The following MS4A7 variants were observed in gnomAD, a reference collection of about 807,000 sequenced individuals.
MS4A7 encodes membrane spanning 4-domains A7.
In MS4A7, 21 loss-of-function variants were observed where a neutral mutation model predicts 23.5. The ratio of observed to expected loss-of-function variants is 0.89; its 90% CI spans 0.63 to 1.29. The LOEUF (loss-of-function observed/expected upper bound fraction) is 1.29, where lower values mean the gene tolerates loss of function less well. MS4A7 is among the 50% of genes most tolerant of loss of function. The pLI is 0.00. For synonymous variants in MS4A7, 111 were observed against 107.4 expected (o/e 1.03, Z -0.21); for missense variants, 263 against 274.2 (o/e 0.96, Z 0.29).
intron 5 of MS4A7, among the ~76,000 whole-genome samples, chr11:60,391,735 A>G (rs1387143360): frequency 6.6e-6 from 1 of 152,046 alleles, no homozygotes; most frequent in African/African-American, 2.4e-5. Flanking sequence ...CCTGGCCAAC[A>G]TGGTGAAATG....
intron 5 of MS4A7, 117 bp from the exon 6 acceptor site, chr11:60,392,568 C>A: frequency 1.5e-6 from 1 of 684,800 alleles, no homozygotes; most frequent in Non-Finnish European, 2.5e-6. Context: ...GAGGATTAAG[C>A]AATTTTCCCT....
Position 60,395,818 on chromosome 11 carries a change from G to A in MS4A7, c.*1957G>A, listed in dbSNP as rs573914475. ...AAAAAGATAACTACGTGAGGTGATG[G>A]ATATGTTAATTAGCTGGATTGTGGT... On this transcript the variant is annotated 3_prime_UTR_variant, in exon 7 of 7. Coordinates refer to ENST00000300184, the MANE Select transcript of MS4A7 (RefSeq NM_021201.5). 3 of 152,126 alleles carry A rather than the reference G, an allele frequency of 2.0e-5. No individual in the cohort carries two copies. In the South Asian group the frequency reaches 6.2e-4, roughly 32 times the overall value. 9.4% of individuals were successfully genotyped at this position (152,126 alleles called of 1,614,324 possible).
At position 60,395,296 on chromosome 11, in the gene MS4A7, C is replaced by T. The variant is rs941441679; in HGVS notation, c.*1435C>T. The T allele has an allele frequency of 5.0e-6, 1 of 198,398 alleles. No individual in the cohort carries two copies. The highest frequency in any genetic ancestry group is 1.9e-3 in the Middle Eastern group (1 of 540). 12.3% of individuals were successfully genotyped at this position (198,398 alleles called of 1,614,324 possible). Reference sequence around the variant, plus strand: ...GCAGTTTAACTTTGCACTCTCTATGCATATGAGGTTTCCTAAATAAATGAG... The same window carrying T: ...GCAGTTTAACTTTGCACTCTCTATGTATATGAGGTTTCCTAAATAAATGAG... On this transcript the variant is annotated 3_prime_UTR_variant, in exon 7 of 7. Transcript: ENST00000300184.
At chr11:60,384,506 T>A (rs2085463377) in intron 2 of MS4A7, among the ~76,000 whole-genome samples, 1 of 152,246 alleles carries the variant, frequency 6.6e-6, no homozygotes. Flanking sequence ...CTGTTGATGA[T>A]GTGAATGGTT....
chr11:60,384,622 A>G (rs748986337), intron 2 of MS4A7, among the ~76,000 whole-genome samples: 1 of 152,242 alleles, frequency 6.6e-6, no homozygotes, highest in Non-Finnish European at 1.5e-5. Flanking sequence ...GCTAAACTTC[A>G]GTTCTTCCAC....
chr11:60,394,004 G>A lies in MS4A7; in HGVS notation c.*143G>A. ...CTTTTGTTTTGTATTTGTTTACTAT[G>A]AGTCGTTATTTAATTTCTCTTGAAA... On this transcript the variant is annotated 3_prime_UTR_variant, in exon 7 of 7. Transcript: ENST00000300184. The A allele has an allele frequency of 4.2e-6, 2 of 477,426 alleles. No homozygotes were observed. The highest frequency in any genetic ancestry group is 7.3e-6 in the Non-Finnish European group (2 of 274,582). The allele number at this position is 477,426 out of a possible 1,614,324, so 29.6% of individuals were successfully genotyped here.
chr11:60,379,593 C>CAGTGGT (rs1555002991), intron 1 of MS4A7, among the ~76,000 whole-genome samples: 2 of 150,534 alleles, frequency 1.3e-5, no homozygotes, highest in African/African-American at 2.4e-5. Flanking sequence ...GGCTAGAGTG[C>CAGTGGT]GTGATCTCGG....
chr11:60,395,521 G>A lies in MS4A7; in HGVS notation c.*1660G>A, dbSNP rs1206125108. Reference sequence around the variant, plus strand: ...CCTTCATGATCTCATAGTTAAAATTGTAATAAATTTAGGAATATAAAGGAT... The same window carrying A: ...CCTTCATGATCTCATAGTTAAAATTATAATAAATTTAGGAATATAAAGGAT... On this transcript the variant is annotated 3_prime_UTR_variant, in exon 7 of 7. Coordinates refer to ENST00000300184, the MANE Select transcript of MS4A7 (RefSeq NM_021201.5). The A allele has an allele frequency of 6.6e-6, 1 of 152,062 alleles. No individual in the cohort carries two copies. Among genetic ancestry groups the A allele is most frequent in the Non-Finnish European group, 1.5e-5 (1 of 67,996 alleles). The allele number at this position is 152,062 out of a possible 1,614,324, so 9.4% of individuals were successfully genotyped here. A position where few individuals can be genotyped will look rare whatever the true frequency, so the allele number is the denominator to read the frequency against.
chr11:60,393,780 T>C lies in MS4A7; in HGVS notation c.649-7T>C. The C allele has an allele frequency of 6.2e-7, 1 of 1,600,904 alleles. No homozygotes were observed. Among genetic ancestry groups the C allele is most frequent in the African/African-American group, 1.3e-5 (1 of 74,322 alleles). On this transcript the variant is annotated splice_region_variant and splice_polypyrimidine_tract_variant and intron_variant, in intron 6 of 6. Transcript: ENST00000300184. The stretch of plus-strand genomic sequence containing the variant: ...TTAAAAATTCTAACCAATTATGTAT[T>C]TTCTAGAGTTCATTTTCCTCGACCC...
intron 4 of MS4A7, among the ~76,000 whole-genome samples, chr11:60,387,205 CT>C (rs1215152934): frequency 6.6e-6 from 1 of 152,154 alleles, no homozygotes; most frequent in East Asian, 1.9e-4. Flanking sequence ...AGAGTTGGGA[CT>C]TCACACAAAT....
At position 60,394,484 on chromosome 11, in the gene MS4A7, T is replaced by G. The variant is rs572584555; in HGVS notation, c.*623T>G. 1 of 152,874 alleles carries G rather than the reference T, an allele frequency of 6.5e-6. No individual in the cohort carries two copies. Among genetic ancestry groups the G allele is most frequent in the African/African-American group, 2.4e-5 (1 of 41,560 alleles). 9.5% of individuals were successfully genotyped at this position (152,874 alleles called of 1,614,324 possible). A position where few individuals can be genotyped will look rare whatever the true frequency, so the allele number is the denominator to read the frequency against. On this transcript the variant is annotated 3_prime_UTR_variant, in exon 7 of 7. Transcript: ENST00000300184. ...TCTGCAATCCTGTGGCACCAACCAGTGGTGCTCATTCTATTGTTTAAAAAT... is the reference window on the plus strand; with the variant it reads ...TCTGCAATCCTGTGGCACCAACCAGGGGTGCTCATTCTATTGTTTAAAAAT...
In MS4A7 at chr11:60,395,661, TA is replaced by T. The variant is rs1254517789; in HGVS notation, c.*1804del. The T allele has an allele frequency of 1.3e-5, 2 of 152,196 alleles. No homozygotes were observed. The highest frequency in any genetic ancestry group is 4.8e-5 in the African/African-American group (2 of 41,448). The allele number at this position is 152,196 out of a possible 1,614,324, so 9.4% of individuals were successfully genotyped here. On this transcript the variant is annotated 3_prime_UTR_variant, in exon 7 of 7. Coordinates refer to ENST00000300184, the MANE Select transcript of MS4A7 (RefSeq NM_021201.5). ...AGATTTTGCTTAACTTTATGAAAGC[TA>T]AAATATTCTCTGTTATAAAGGGGCA...
In MS4A7 at chr11:60,395,150, C is replaced by A; in HGVS notation, c.*1289C>A. ...ACCCCTGCACTTTGTACCACATGGG[C>A]GTATTCTTTCTTCCCAGTCATTGCT... On this transcript the variant is annotated 3_prime_UTR_variant, in exon 7 of 7. Transcript: ENST00000300184. 2.7e-6 allele frequency: 1 copy of A among 373,482 alleles called. No homozygotes were observed. Among genetic ancestry groups the A allele is most frequent in the East Asian group, 3.8e-5 (1 of 26,136 alleles). The allele number at this position is 373,482 out of a possible 1,614,324, so 23.1% of individuals were successfully genotyped here.
chr11:60,381,817 T>A (rs756492987), intron 1 of MS4A7, among the ~76,000 whole-genome samples: 1 of 152,112 alleles, frequency 6.6e-6, no homozygotes, highest in Non-Finnish European at 1.5e-5. Context: ...GGATATGGGA[T>A]CTGAACACAC....
chr11:60,384,745 C>T (rs1301554309), intron 2 of MS4A7, among the ~76,000 whole-genome samples: 2 of 152,196 alleles, frequency 1.3e-5, no homozygotes, highest in African/African-American at 4.8e-5. Context: ...ATTAACACTC[C>T]TGTGAAAAGT....
At chr11:60,378,806 C>A (rs529684461) in intron 1 of MS4A7, 142 bp downstream of exon 1, 1 of 152,242 alleles carries the variant, frequency 6.6e-6, no homozygotes, top group African/African-American at 2.4e-5. Flanking sequence ...CTTTTTGGGT[C>A]TCAGTTTACT....
chr11:60,387,193 A>G (rs1043728492), intron 4 of MS4A7, among the ~76,000 whole-genome samples: 1 of 152,142 alleles, frequency 6.6e-6, no homozygotes, highest in Non-Finnish European at 1.5e-5. Context: ...GTCCCCATTC[A>G]TAGAGTTGGG....
At chr11:60,387,336 G>A (rs1290114348) in intron 4 of MS4A7, among the ~76,000 whole-genome samples, 1 of 152,068 alleles carries the variant, frequency 6.6e-6, no homozygotes, top group Admixed American at 6.5e-5. Context: ...AGAATAACTG[G>A]TTTACCCTAC....
chr11:60,385,005 C>A, intron 2 of MS4A7, 83 bp from the exon 3 acceptor site: 1 of 1,311,948 alleles, frequency 7.6e-7, no homozygotes, highest in Non-Finnish European at 1.1e-6. Context: ...ATTTTATACT[C>A]TTTATACTTT....
Sources: gnomAD v4.1 joint callset for allele counts (sites outside exome capture counted in the v4.1 genomes callset) on GRCh38, gnomAD v4.1.1 for gene constraint, MANE v1.5 for transcripts, NCBI Gene and HGNC (gene_info 2026-07-23, HGNC 2026-07-21) for gene names.